The following RGS6 variants were observed in gnomAD, a reference collection of about 807,000 sequenced individuals.
RGS6 encodes regulator of G protein signaling 6, also known as regulator of G-protein signaling 6.
RGS6 carries 30 observed loss-of-function variants against 78.5 expected under a neutral mutation model. The observed-to-expected ratio is 0.38, with a 90% CI of 0.29 to 0.52. The LOEUF (loss-of-function observed/expected upper bound fraction) is 0.52, where lower values mean the gene tolerates loss of function less well. Ranked by LOEUF, RGS6 falls within the 20% of genes least tolerant of loss-of-function variation. RGS6 has a pLI of 0.85. For synonymous variants in RGS6, 206 were observed against 206.0 expected (o/e 1.00, Z 0.00); for missense variants, 495 against 609.7 (o/e 0.81, Z 1.98).
intron 2 of RGS6, among the ~76,000 whole-genome samples, chr14:72,151,653 G>C (rs1392117579): frequency 6.6e-6 from 1 of 152,166 alleles, no homozygotes; most frequent in Non-Finnish European, 1.5e-5. Flanking sequence ...CACGTGTAGG[G>C]GAGGAGAGTG....
chr14:72,293,512 C>T (rs1329410565), intron 2 of RGS6, among the ~76,000 whole-genome samples: 1 of 152,056 alleles, frequency 6.6e-6, no homozygotes, highest in Non-Finnish European at 1.5e-5. Context: ...TTCCTCTCTC[C>T]TCCTTCCTTC....
chr14:72,091,444 T>C (rs2095266637), intron 2 of RGS6, among the ~76,000 whole-genome samples: 1 of 152,186 alleles, frequency 6.6e-6, no homozygotes. Flanking sequence ...CCCTAGATTC[T>C]GCTGAACTCA....
At chr14:72,072,777 A>G (rs930119291) in intron 2 of RGS6, among the ~76,000 whole-genome samples, 1 of 152,326 alleles carries the variant, frequency 6.6e-6, no homozygotes, top group Non-Finnish European at 1.5e-5. Context: ...TTTTAAATCA[A>G]TGCTAATTTT....
chr14:72,375,497 T>G (rs1457048637), intron 3 of RGS6, among the ~76,000 whole-genome samples: 6 of 152,142 alleles, frequency 3.9e-5, no homozygotes, highest in African/African-American at 1.4e-4. Flanking sequence ...ACCCATGTCC[T>G]GGGCCTGAGA....
chr14:72,237,007 AT>A (rs2153818605), intron 2 of RGS6, among the ~76,000 whole-genome samples: 1 of 152,044 alleles, frequency 6.6e-6, no homozygotes, highest in Admixed American at 6.5e-5. Flanking sequence ...CCATGTTCTG[AT>A]TTTTTTCTCA....
At chr14:72,288,181 AT>A (rs950574356) in intron 2 of RGS6, among the ~76,000 whole-genome samples, 9 of 152,192 alleles carry the variant, frequency 5.9e-5, no homozygotes, top group Admixed American at 5.9e-4. Context: ...TTTTAAAAAA[AT>A]ATTTGGTAGA....
At chr14:71,884,592 A>G in the RGS6 span, among the ~76,000 whole-genome samples, 2 of 152,296 alleles carry the variant, frequency 1.3e-5, no homozygotes, top group Non-Finnish European at 2.9e-5. Flanking sequence ...GGTGGATTTT[A>G]TAACTTGTAC....
the RGS6 span, among the ~76,000 whole-genome samples, chr14:71,886,819 A>G: frequency 6.6e-6 from 1 of 152,198 alleles, no homozygotes; most frequent in African/African-American, 2.4e-5. Flanking sequence ...GCATATATTA[A>G]TACCACCTTT....
the RGS6 span, among the ~76,000 whole-genome samples, chr14:71,901,455 A>G: frequency 6.6e-6 from 1 of 152,164 alleles, no homozygotes; most frequent in Non-Finnish European, 1.5e-5. Flanking sequence ...TTATTTTCCA[A>G]TGTGTCTTAT....
chr14:72,619,200 G>T, the RGS6 span: 3 of 1,213,094 alleles, frequency 2.5e-6, no homozygotes, highest in Admixed American at 4.6e-5. Flanking sequence ...CCTTGCAGTT[G>T]GTCTGGCTGG....
At chr14:71,981,848 A>G (rs1051124223) in intron 2 of RGS6, among the ~76,000 whole-genome samples, 15 of 147,646 alleles carry the variant, frequency 1.0e-4, no homozygotes, top group African/African-American at 3.2e-4. Context: ...TGTTTACCTA[A>G]GCAAGCCTGG....
At chr14:72,246,937 T>C (rs923238138) in intron 2 of RGS6, among the ~76,000 whole-genome samples, 15 of 151,728 alleles carry the variant, frequency 9.9e-5, no homozygotes, top group African/African-American at 3.6e-4. Context: ...TTGAAGACAA[T>C]TTTGTTGTGT....
intron 2 of RGS6, among the ~76,000 whole-genome samples, chr14:72,011,268 A>G (rs1369847360): frequency 2.0e-5 from 3 of 152,168 alleles, no homozygotes; most frequent in Non-Finnish European, 4.4e-5. Context: ...GTGTCAGAGA[A>G]TCATCTACCT....
At chr14:71,878,482 C>A in the RGS6 span, among the ~76,000 whole-genome samples, 1 of 152,214 alleles carries the variant, frequency 6.6e-6, no homozygotes, top group Non-Finnish European at 1.5e-5. Flanking sequence ...ACCCTCCAAG[C>A]CAGGCACGGG....
At chr14:71,896,068 T>C in the RGS6 span, among the ~76,000 whole-genome samples, 1 of 150,520 alleles carries the variant, frequency 6.6e-6, no homozygotes, top group African/African-American at 2.5e-5. Context: ...GGGTGGGGAG[T>C]GGAGATGGAG....
chr14:72,344,002 C>G (rs1205543822), intron 2 of RGS6, among the ~76,000 whole-genome samples: 1 of 152,188 alleles, frequency 6.6e-6, no homozygotes, highest in Non-Finnish European at 1.5e-5. Flanking sequence ...AGTCCAGGGC[C>G]TGACCAAAAG....
chr14:72,375,067 C>T (rs531001860), intron 3 of RGS6, among the ~76,000 whole-genome samples: 12 of 152,040 alleles, frequency 7.9e-5, no homozygotes, highest in East Asian at 3.9e-4. Flanking sequence ...GAATGTATCA[C>T]GGAAAGGCAG....
chr14:71,877,343 G>A, the RGS6 span, among the ~76,000 whole-genome samples: 7 of 152,144 alleles, frequency 4.6e-5, no homozygotes, highest in Admixed American at 4.6e-4. Flanking sequence ...TTTTCACATA[G>A]TCCCATATTT....
At chr14:72,619,838 G>C in the RGS6 span, 1 of 1,404,880 alleles carries the variant, frequency 7.1e-7, no homozygotes, top group Non-Finnish European at 9.5e-7. Flanking sequence ...CATAGTGAGA[G>C]CTCAGTAAGT....
Sources: gnomAD v4.1 joint callset for allele counts (sites outside exome capture counted in the v4.1 genomes callset) on GRCh38, gnomAD v4.1.1 for gene constraint, MANE v1.5 for transcripts, NCBI Gene and HGNC (gene_info 2026-07-23, HGNC 2026-07-21) for gene names.